FCHSD2: variants seen among roughly 807,000 people sequenced by gnomAD.
The protein encoded by FCHSD2 is FCH and double SH3 domains 2.
A neutral mutation model predicts 108.1 loss-of-function variants in FCHSD2; 38 were observed. The ratio of observed to expected loss-of-function variants is 0.35; its 90% CI spans 0.27 to 0.46. FCHSD2 has a LOEUF of 0.46. FCHSD2 is among the 20% of genes least tolerant of loss of function. The pLI, the probability that FCHSD2 is intolerant of heterozygous loss-of-function variation, is 1.00. For synonymous variants in FCHSD2, 279 were observed against 314.7 expected (o/e 0.89, Z 1.20); for missense variants, 751 against 897.8 (o/e 0.84, Z 2.09).
At chr11:73,124,174 AC>A (rs1332028421) in intron 2 of FCHSD2, among the ~76,000 whole-genome samples, 2 of 152,242 alleles carry the variant, frequency 1.3e-5, no homozygotes, top group South Asian at 4.1e-4. Flanking sequence ...AAAACCAAAC[AC>A]CGCATGTTCT....
intron 3 of FCHSD2, among the ~76,000 whole-genome samples, chr11:73,073,898 TC>T (rs1859488951): frequency 1.3e-5 from 2 of 151,850 alleles, no homozygotes; most frequent in African/African-American, 4.8e-5. Context: ...AGATATCAGT[TC>T]CCCCTAAATT....
chr11:73,012,991 C>T (rs1358597735), intron 4 of FCHSD2, among the ~76,000 whole-genome samples: 1 of 152,182 alleles, frequency 6.6e-6, no homozygotes, highest in Non-Finnish European at 1.5e-5. Context: ...CCATTCTATC[C>T]TTTCTGAAGT....
intron 3 of FCHSD2, among the ~76,000 whole-genome samples, chr11:73,021,952 G>A: frequency 6.6e-6 from 1 of 151,902 alleles, no homozygotes; most frequent in South Asian, 2.1e-4. Flanking sequence ...CACACCTGTG[G>A]TCTTAGCTAC....
At chr11:73,112,557 G>A (rs1334811763) in intron 2 of FCHSD2, among the ~76,000 whole-genome samples, 1 of 152,106 alleles carries the variant, frequency 6.6e-6, no homozygotes, top group Non-Finnish European at 1.5e-5. Context: ...GTTCTCTGTT[G>A]TTATCCCCGT....
intron 3 of FCHSD2, among the ~76,000 whole-genome samples, chr11:73,067,213 T>C (rs1040455040): frequency 1.3e-5 from 2 of 152,044 alleles, no homozygotes; most frequent in African/African-American, 4.8e-5. Flanking sequence ...AAACCATCAT[T>C]CTCAGCAAAC....
At chr11:72,894,059 T>C (rs1855371702) in intron 10 of FCHSD2, among the ~76,000 whole-genome samples, 1 of 152,172 alleles carries the variant, frequency 6.6e-6, no homozygotes, top group South Asian at 2.1e-4. Context: ...AACTAAAATA[T>C]AACCATTTCA....
At chr11:73,098,305 TCTA>T (rs1349460613) in intron 2 of FCHSD2, among the ~76,000 whole-genome samples, 1 of 152,210 alleles carries the variant, frequency 6.6e-6, no homozygotes, top group Non-Finnish European at 1.5e-5. Context: ...ACTTCTTTGA[TCTA>T]CTCGTTGTTT....
intron 8 of FCHSD2, among the ~76,000 whole-genome samples, chr11:72,979,775 T>C (rs1328662770): frequency 1.3e-5 from 2 of 151,420 alleles, no homozygotes; most frequent in Non-Finnish European, 3.0e-5. Flanking sequence ...AAATAAGACA[T>C]ATCATAAAGA....
At position 72,996,212 on chromosome 11, in the gene FCHSD2, A is replaced by G. The variant is rs1473580099; in HGVS notation, c.387+4778T>C. Among the ~76,000 whole-genome samples the G allele has an allele frequency of 5.9e-5, 9 of 152,352 alleles. No homozygotes were observed. The East Asian group carries it at 1.7e-3, about 29-fold the overall frequency. Reference sequence around the variant, plus strand: ...GGAATTAGGAAGTAGTAGTATATTCAAGTTCCCACTCTGTTATTTACTACC... The same window carrying G: ...GGAATTAGGAAGTAGTAGTATATTCGAGTTCCCACTCTGTTATTTACTACC... On this transcript the variant is annotated intron_variant, in intron 5 of 19. Transcript: ENST00000409418.
chr11:72,841,234 T>C (rs1252059098), intron 18 of FCHSD2, among the ~76,000 whole-genome samples: 1 of 146,626 alleles, frequency 6.8e-6, no homozygotes, highest in Non-Finnish European at 1.5e-5. Flanking sequence ...CTAGGGAGGC[T>C]GAGGCAGGAG....
At chr11:72,855,600 C>G (rs572477396) in intron 13 of FCHSD2, among the ~76,000 whole-genome samples, 45 of 152,258 alleles carry the variant, frequency 3.0e-4, no homozygotes, top group African/African-American at 9.6e-4. Context: ...TACACACGAA[C>G]AAACGTGAAA....
chr11:72,844,983 T>C (rs1354476756), intron 14 of FCHSD2, among the ~76,000 whole-genome samples: 6 of 152,212 alleles, frequency 3.9e-5, no homozygotes, highest in Non-Finnish European at 7.3e-5. Flanking sequence ...CACTATGCCT[T>C]GAATATGCCA....
intron 3 of FCHSD2, among the ~76,000 whole-genome samples, chr11:73,078,575 C>T (rs1045424686): frequency 2.6e-5 from 4 of 151,216 alleles, no homozygotes; most frequent in African/African-American, 9.7e-5. Context: ...CAGAAGGGTA[C>T]ATATTCTATG....
intron 13 of FCHSD2, among the ~76,000 whole-genome samples, chr11:72,866,326 A>G (rs888916970): frequency 2.0e-4 from 30 of 152,032 alleles, no homozygotes; most frequent in African/African-American, 7.0e-4. Flanking sequence ...CTGGAGTGCA[A>G]TGGCATGATT....
At position 72,889,776 on chromosome 11, in the gene FCHSD2, T is replaced by G. The variant is rs1855275936; in HGVS notation, c.1041+53A>C. 18 of 982,982 alleles carry G rather than the reference T, an allele frequency of 1.8e-5. 1 individual carries two copies. The South Asian group carries it at 2.3e-4, about 12-fold the overall frequency. The allele number at this position is 982,982 out of a possible 1,614,324, so 60.9% of individuals were successfully genotyped here. ...ATTAATAAAACTCAGTTCCTTAAAC[T>G]GTTTGACATTTGGCTTAAGGTGAAT... On this transcript the variant is annotated intron_variant, in intron 11 of 19. Coordinates refer to ENST00000409418, the MANE Select transcript of FCHSD2 (RefSeq NM_014824.3).
chr11:72,862,943 T>A (rs900580634), intron 13 of FCHSD2, among the ~76,000 whole-genome samples: 2 of 152,078 alleles, frequency 1.3e-5, no homozygotes, highest in Non-Finnish European at 2.9e-5. Flanking sequence ...ATTTTTTTTT[T>A]AAAGAGACTT....
chr11:72,947,137 C>T (rs1856536145), intron 8 of FCHSD2, among the ~76,000 whole-genome samples: 1 of 152,244 alleles, frequency 6.6e-6, no homozygotes, highest in Non-Finnish European at 1.5e-5. Context: ...CATCTCTTAA[C>T]AACAATGCTG....
chr11:72,989,127 A>G (rs1419375105), intron 5 of FCHSD2, 30 bp from the exon 6 acceptor site: 1 of 1,576,134 alleles, frequency 6.3e-7, no homozygotes, highest in East Asian at 2.2e-5. Flanking sequence ...AATCATTATG[A>G]TTTTAGTTTT....
intron 10 of FCHSD2, among the ~76,000 whole-genome samples, chr11:72,895,772 A>T (rs1479730741): frequency 6.6e-6 from 1 of 152,210 alleles, no homozygotes; most frequent in Admixed American, 6.5e-5. Flanking sequence ...CGCAACACTC[A>T]TGTCTTTAGT....
Sources: allele counts gnomAD v4.1 joint callset (sites outside exome capture counted in the v4.1 genomes callset), GRCh38; gene constraint gnomAD v4.1.1; transcripts MANE v1.5; gene names NCBI Gene and HGNC (gene_info 2026-07-23, HGNC 2026-07-21).